The following VPS13A variants were observed in gnomAD, a reference collection of about 807,000 sequenced individuals.
VPS13A encodes the protein vacuolar protein sorting 13 homolog A.
In VPS13A, 264 loss-of-function variants were observed where a neutral mutation model predicts 390.9. The ratio of observed to expected loss-of-function variants is 0.68; its 90% CI spans 0.61 to 0.75. The LOEUF (loss-of-function observed/expected upper bound fraction) is 0.75. VPS13A is among the 30% of genes least tolerant of loss of function. VPS13A has a pLI of 0.00. For synonymous variants in VPS13A, 1,231 were observed against 1,227.1 expected, an observed-to-expected ratio of 1.00 and a Z score of -0.07; for missense variants, 3,409 against 3,733.9, an observed-to-expected ratio of 0.91 and a Z score of 2.27.
At chr9:77,358,649 CAT>C (rs1831952827) in intron 57 of VPS13A, among the ~76,000 whole-genome samples, 1 of 152,040 alleles carries the variant, frequency 6.6e-6, no homozygotes, top group Non-Finnish European at 1.5e-5. Flanking sequence ...TGATTAGAAA[CAT>C]ATATTGAAAT....
chr9:77,405,809 G>A, intron 69 of VPS13A, 55 bp from the exon 70 acceptor site: 2 of 1,603,784 alleles, frequency 1.2e-6, no homozygotes, highest in Non-Finnish European at 1.7e-6. Flanking sequence ...TGTTGTTATT[G>A]GATATAAGTG....
rs762549785 is a variant in VPS13A, at chr9:77,219,925, G to GT, written c.755-21dup. The stretch of plus-strand genomic sequence containing the variant: ...CTTGAGACTTTGGAAATATAACTCA[G>GT]TTTTTTTTCCATTTTTATTATTTTT... On this transcript the variant is annotated intron_variant, in intron 10 of 71. Coordinates refer to ENST00000360280, the MANE Select transcript of VPS13A (RefSeq NM_033305.3). The GT allele has an allele frequency of 4.0e-5, 65 of 1,609,422 alleles. 1 individual carries two copies. In the Admixed American group the frequency reaches 8.5e-4, roughly 21 times the overall value.
At chr9:77,317,201 C>T (rs1829448511) in intron 39 of VPS13A, among the ~76,000 whole-genome samples, 1 of 151,938 alleles carries the variant, frequency 6.6e-6, no homozygotes, top group Non-Finnish European at 1.5e-5. Context: ...ACAGTTGGCC[C>T]TCCACTAAGC....
At chr9:77,305,229 C>T (rs942005469) in intron 34 of VPS13A, among the ~76,000 whole-genome samples, 8 of 152,080 alleles carry the variant, frequency 5.3e-5, no homozygotes, top group East Asian at 3.9e-4. Flanking sequence ...TGAGCCATCA[C>T]GCCTGGCCGA....
chr9:77,344,399 A>T, intron 51 of VPS13A, 118 bp downstream of exon 51: 1 of 1,111,018 alleles, frequency 9.0e-7, no homozygotes, highest in Non-Finnish European at 1.3e-6. Context: ...CTTTCCCCAA[A>T]AACGAACAAA....
chr9:77,233,779 G>T (rs904810791), intron 17 of VPS13A, among the ~76,000 whole-genome samples: 1 of 152,044 alleles, frequency 6.6e-6, no homozygotes, highest in African/African-American at 2.4e-5. Context: ...TATTAAACTT[G>T]TTGAGATTTG....
rs1833995419 is a variant in VPS13A at position 77,393,746 on chromosome 9, T to A, written c.9190-9490T>A. 4.6e-5 allele frequency among the ~76,000 whole-genome samples: 7 copies of A among 152,324 alleles called. 1 individual carries two copies. In the South Asian group the frequency reaches 1.4e-3, roughly 32 times the overall value. ...CTTAAAATATTTAGTAAACTTTAAG[T>A]AATTCTTAAGGACTCTAGGATTTTT... On this transcript the variant is annotated intron_variant, in intron 68 of 71. Coordinates refer to ENST00000360280, the MANE Select transcript of VPS13A (RefSeq NM_033305.3).
intron 46 of VPS13A, 52 bp from the exon 47 acceptor site, chr9:77,337,203 T>C: frequency 6.6e-7 from 1 of 1,516,786 alleles, no homozygotes; most frequent in Admixed American, 1.8e-5. Context: ...TTATATAGTT[T>C]AATATGTTTT....
Position 77,365,696 on chromosome 9 carries a change from A to C in VPS13A, c.8325+123A>C, listed in dbSNP as rs1832392078. 1.3e-5 allele frequency: 8 copies of C among 626,562 alleles called. No individual in the cohort carries two copies. In the East Asian group the frequency reaches 2.3e-4, roughly 18 times the overall value. The allele number at this position is 626,562 out of a possible 1,614,324, so 38.8% of individuals were successfully genotyped here. ...AATATACAATTAAACTAAGTAACAA[A>C]GGAATTACCCTTTTACATTTTTATT... is the stretch of plus-strand genomic sequence containing the variant. On this transcript the variant is annotated intron_variant, in intron 60 of 71. Coordinates refer to ENST00000360280, the MANE Select transcript of VPS13A (RefSeq NM_033305.3).
chr9:77,392,063 C>G (rs188440844), intron 68 of VPS13A, among the ~76,000 whole-genome samples: 1 of 152,100 alleles, frequency 6.6e-6, no homozygotes. Context: ...AGAGGCCAAC[C>G]CTGTAATGTC....
intron 71 of VPS13A, among the ~76,000 whole-genome samples, chr9:77,413,870 C>G (rs1835054460): frequency 6.6e-6 from 1 of 152,138 alleles, no homozygotes; most frequent in Non-Finnish European, 1.5e-5. Flanking sequence ...TATCCAGAAT[C>G]TACAATGAAC....
chr9:77,278,071 TA>T, intron 26 of VPS13A, among the ~76,000 whole-genome samples: 1 of 151,838 alleles, frequency 6.6e-6, no homozygotes, highest in East Asian at 1.9e-4. Flanking sequence ...TTATTAGTTT[TA>T]TTTATTTTTA....
Position 77,339,489 on chromosome 9 carries a change from G to T in VPS13A, c.6379-27G>T, listed in dbSNP as rs56156608. The T allele has an allele frequency of 0.087, 94,947 of 1,087,074 alleles. 1,964 individuals carry two copies. Among genetic ancestry groups the T allele is most frequent in the South Asian group, 0.12 (6,520 of 56,138 alleles). 67.3% of individuals were successfully genotyped at this position (1,087,074 alleles called of 1,614,324 possible). On this transcript the variant is annotated intron_variant, in intron 47 of 71. Coordinates refer to ENST00000360280, the MANE Select transcript of VPS13A (RefSeq NM_033305.3). ...ATTATTCTGCAACATTTTAAATTTT[G>T]TTTTGTTTTTTTTTTTTTTATTACA...
chr9:77,389,012 T>C (rs1426847855), intron 68 of VPS13A, among the ~76,000 whole-genome samples: 3 of 152,200 alleles, frequency 2.0e-5, no homozygotes, highest in Non-Finnish European at 4.4e-5. Context: ...TTAGTTATTT[T>C]CTACATTAAA....
chr9:77,356,749 A>C lies in VPS13A; in HGVS notation c.7688A>C (p.Lys2563Thr), dbSNP rs777095234. Residue 2563 changes from lysine to threonine, a missense_variant, in exon 55 of 72, where the codon AAG (lysine) becomes ACG (threonine). Transcript: ENST00000360280. ...GTTTGGGAAACAAAGCCCAAGAAGA[A>C]GGCAAGATGGAAGCCAATGAGTGTA... ...DVVWETKPKK[K>T]ARWKPMSVKH... 9.9e-6 allele frequency: 16 copies of C among 1,613,462 alleles called. No homozygotes were observed. The East Asian group carries it at 1.3e-4, about 13-fold the overall frequency.
At position 77,315,341 on chromosome 9, in the gene VPS13A, G is replaced by A. The variant is rs780675246; in HGVS notation, c.4501G>A (p.Val1501Ile). ...KVRDGCVTDA[V>I]FQEMYICASV... is the part of the protein sequence containing the mutation. ...CAGAGATGGTTGTGTGACTGATGCG[G>A]TCTTTCAAGAAATGTATATTTGTGC... is the stretch of plus-strand genomic sequence containing the variant. The change falls in exon 38 of 72, where the codon GTC becomes ATC. Residue 1501 changes from valine to isoleucine, a missense_variant. By Grantham distance (29) the Val-to-Ile change is conservative. This residue lies in a region of VPS13A where 2,717 missense variants were observed against 2,917.4 expected (regional missense o/e 0.93). Transcript: ENST00000360280. 6.2e-7 allele frequency: 1 copy of A among 1,613,992 alleles called. No individual in the cohort carries two copies. Among genetic ancestry groups the A allele is most frequent in the Non-Finnish European group, 8.5e-7 (1 of 1,179,882 alleles).
intron 13 of VPS13A, among the ~76,000 whole-genome samples, chr9:77,223,923 A>G (rs1823363869): frequency 6.6e-6 from 1 of 152,136 alleles, no homozygotes; most frequent in East Asian, 1.9e-4. Context: ...GCTTCAAAGG[A>G]CAGGCTGACT....
At chr9:77,181,533 A>G (rs545897621) in intron 1 of VPS13A, among the ~76,000 whole-genome samples, 13 of 151,622 alleles carry the variant, frequency 8.6e-5, no homozygotes, top group South Asian at 2.1e-4. Flanking sequence ...AAAAAAAAAA[A>G]AAAGAAACTG....
At chr9:77,198,878 G>C (rs964923372) in intron 1 of VPS13A, among the ~76,000 whole-genome samples, 53 of 152,128 alleles carry the variant, frequency 3.5e-4, no homozygotes, top group Admixed American at 3.3e-3. Context: ...GGTCAGGCTG[G>C]TCTCGAACTG....
Sources: allele counts gnomAD v4.1 joint callset (sites outside exome capture counted in the v4.1 genomes callset), GRCh38; gene constraint gnomAD v4.1.1; regional missense constraint gnomAD v4.1.1; transcripts MANE v1.5; gene names NCBI Gene and HGNC (gene_info 2026-07-23, HGNC 2026-07-21).